MYCT1: variants seen among roughly 807,000 people sequenced by gnomAD.
MYCT1 encodes the protein myc target protein 1.
In MYCT1, 12 loss-of-function variants were observed where a neutral mutation model predicts 15.0. That is an observed-to-expected ratio of 0.80 (90% CI 0.51 to 1.29). The LOEUF (loss-of-function observed/expected upper bound fraction) is 1.29, where lower values mean the gene tolerates loss of function less well. Ranked by LOEUF, MYCT1 falls within the 50% of genes most tolerant of loss-of-function variation. The probability of loss-of-function intolerance (pLI) is 0.00; values close to 1 mark genes in which losing one functional copy is unlikely to be tolerated. For missense variants in MYCT1, 287 were observed against 279.1 expected (o/e 1.03, Z -0.20); for synonymous variants, 104 against 102.7 (o/e 1.01, Z -0.07).
downstream of MYCT1, among the ~76,000 whole-genome samples, chr6:152,729,414 T>C (rs937976575): frequency 2.0e-5 from 3 of 152,118 alleles, no homozygotes; most frequent in African/African-American, 4.8e-5. Flanking sequence ...ACATATACAG[T>C]GTCACAACAA....
At position 152,722,391 on chromosome 6, in the gene MYCT1, G is replaced by A. The variant is rs1283680056; in HGVS notation, c.*138G>A. On this transcript the variant is annotated 3_prime_UTR_variant, in exon 2 of 2. Coordinates refer to ENST00000367245, the MANE Select transcript of MYCT1 (RefSeq NM_025107.3). ...AAGTTGAAACATGGTTGTGCAAGTT[G>A]GACATTACAATGTAAAACACATTTT... The A allele has an allele frequency of 7.3e-6, 6 of 818,316 alleles. No homozygotes were observed. The East Asian group carries it at 1.3e-4, about 18-fold the overall frequency. 50.7% of individuals were successfully genotyped at this position (818,316 alleles called of 1,614,324 possible).
At chr6:152,724,812 G>A (rs1459796549), downstream of MYCT1, among the ~76,000 whole-genome samples, 1 of 151,910 alleles carries the variant, frequency 6.6e-6, no homozygotes, top group East Asian at 1.9e-4. Context: ...ATATAAAAAT[G>A]TATAATGGAG....
chr6:152,737,181 C>T, the MYCT1 span, among the ~76,000 whole-genome samples: 6 of 152,046 alleles, frequency 3.9e-5, no homozygotes, highest in Non-Finnish European at 5.9e-5. Context: ...GCAAAATGTA[C>T]TTCTCTGTAA....
chr6:152,740,528 C>G, the MYCT1 span, among the ~76,000 whole-genome samples: 1 of 152,046 alleles, frequency 6.6e-6, no homozygotes, highest in African/African-American at 2.4e-5. Context: ...GAAATATAAA[C>G]TTGAAAAATA....
intron 1 of MYCT1, among the ~76,000 whole-genome samples, chr6:152,720,244 G>T (rs2099724443): frequency 6.6e-6 from 1 of 151,962 alleles, no homozygotes; most frequent in Non-Finnish European, 1.5e-5. Context: ...ACAATGGCAG[G>T]GGTCCCAAGA....
chr6:152,744,010 G>A, the MYCT1 span, among the ~76,000 whole-genome samples: 2 of 152,166 alleles, frequency 1.3e-5, no homozygotes, highest in South Asian at 2.1e-4. Context: ...CCCTGGAGAC[G>A]CAGGGCCCAG....
intron 1 of MYCT1, among the ~76,000 whole-genome samples, chr6:152,708,782 C>T (rs939137436): frequency 3.3e-5 from 5 of 152,004 alleles, no homozygotes; most frequent in African/African-American, 1.2e-4. Context: ...TAAGGATTTT[C>T]TTCAGCACAT....
chr6:152,730,934 T>C, the MYCT1 span, among the ~76,000 whole-genome samples: 4 of 152,150 alleles, frequency 2.6e-5, no homozygotes, highest in African/African-American at 9.7e-5. Context: ...GATGATCTCT[T>C]TTGGGAAAAT....
chr6:152,726,526 CT>C (rs2099725699), downstream of MYCT1, among the ~76,000 whole-genome samples: 1 of 152,162 alleles, frequency 6.6e-6, no homozygotes. Context: ...AGATTACCTT[CT>C]TTGAAGTTTT....
chr6:152,738,176 CTAAA>C, the MYCT1 span, among the ~76,000 whole-genome samples: 1 of 151,804 alleles, frequency 6.6e-6, no homozygotes, highest in East Asian at 1.9e-4. Flanking sequence ...AAATGTCTGG[CTAAA>C]TGTCAAGGAA....
At chr6:152,735,217 A>T in the MYCT1 span, among the ~76,000 whole-genome samples, 8 of 152,174 alleles carry the variant, frequency 5.3e-5, no homozygotes, top group African/African-American at 1.9e-4. Flanking sequence ...AAAAATATTT[A>T]GTTTAGCATT....
At chr6:152,743,351 C>T in the MYCT1 span, among the ~76,000 whole-genome samples, 101 of 152,316 alleles carry the variant, frequency 6.6e-4, 1 homozygote, top group African/African-American at 2.2e-3. Flanking sequence ...TAGGCATGAG[C>T]CACTGCGCCC....
intron 1 of MYCT1, among the ~76,000 whole-genome samples, chr6:152,706,399 C>T (rs1416487006): frequency 2.6e-5 from 4 of 152,112 alleles, no homozygotes; most frequent in African/African-American, 9.7e-5. Flanking sequence ...ACAAGAGCCA[C>T]GTACAATGTA....
Position 152,722,443 on chromosome 6 carries a change from C to T in MYCT1, c.*190C>T. On this transcript the variant is annotated 3_prime_UTR_variant, in exon 2 of 2. Transcript: ENST00000367245. ...TTCAAACACGTTTTCCCTTTTGTTT[C>T]AAAAAATGTAATATTTTCCCCCAAG... 5.3e-6 allele frequency: 3 copies of T among 564,296 alleles called. No individual in the cohort carries two copies. The highest frequency in any genetic ancestry group is 3.0e-6 in the Non-Finnish European group (1 of 335,672). The allele number at this position is 564,296 out of a possible 1,614,324, so 35.0% of individuals were successfully genotyped here.
intron 1 of MYCT1, among the ~76,000 whole-genome samples, chr6:152,705,541 T>A (rs890024761): frequency 1.0e-4 from 15 of 148,542 alleles, no homozygotes; most frequent in Admixed American, 5.4e-4. Flanking sequence ...AATGACAGGA[T>A]TTTTTTTTTA....
At chr6:152,703,936 C>T (rs1033281013) in intron 1 of MYCT1, among the ~76,000 whole-genome samples, 1 of 145,192 alleles carries the variant, frequency 6.9e-6, no homozygotes, top group Non-Finnish European at 1.5e-5. Context: ...AATATTTTCC[C>T]TGTTTTTTAT....
chr6:152,719,410 C>T (rs141187753), intron 1 of MYCT1, among the ~76,000 whole-genome samples: 1 of 152,300 alleles, frequency 6.6e-6, no homozygotes, highest in East Asian at 1.9e-4. Flanking sequence ...GCTTTGGTCT[C>T]AGATCCTTAC....
rs1485814836 is a variant in MYCT1 at position 152,721,748 on chromosome 6, T to A, written c.203T>A (p.Leu68His). ...SPWPENFWED[L>H]IMSFTVSMAI... ...TTTGTTTTCTTTGTTTCAGAGGACC[T>A]TATCATGTCCTTCACTGTATCCATG... is the stretch of plus-strand genomic sequence containing the variant. The change falls in exon 2 of 2, where the codon CTT becomes CAT. Residue 68 changes from leucine to histidine, a missense_variant. Transcript: ENST00000367245. 2.5e-6 allele frequency: 4 copies of A among 1,608,700 alleles called. No homozygotes were observed. In the African/African-American group the frequency reaches 5.4e-5, roughly 22 times the overall value.
At chr6:152,737,133 TGC>T in the MYCT1 span, among the ~76,000 whole-genome samples, 1 of 152,126 alleles carries the variant, frequency 6.6e-6, no homozygotes. Context: ...CTTTGAGCAA[TGC>T]AATTTCCTGG....
Sources: allele counts gnomAD v4.1 joint callset (sites outside exome capture counted in the v4.1 genomes callset), GRCh38; gene constraint gnomAD v4.1.1; transcripts MANE v1.5; gene names NCBI Gene and HGNC (gene_info 2026-07-23, HGNC 2026-07-21).